Variants in ATP8B4 observed in about 807,000 individuals in gnomAD.
The protein encoded by ATP8B4 is ATPase phospholipid transporting 8B4 (putative).
A neutral mutation model predicts 145.6 loss-of-function variants in ATP8B4; 133 were observed. The ratio of observed to expected loss-of-function variants is 0.91; its 90% CI spans 0.79 to 1.05. The LOEUF is 1.05. Among genes scored for constraint, ATP8B4 ranks in the 50% least tolerant of loss-of-function variants. The pLI, the probability that ATP8B4 is intolerant of heterozygous loss-of-function variation, is 0.00. For synonymous variants in ATP8B4, 507 were observed against 492.9 expected (o/e 1.03, Z -0.38); for missense variants, 1,458 against 1,425.2 (o/e 1.02, Z -0.37).
chr15:50,067,479 A>T lies in ATP8B4; in HGVS notation c.87+6648T>A, dbSNP rs113271772. ...TGGTGGTACAAATAAACAAGGCAGG[A>T]ATCATTTCCCACTTCCTCTGGCAAA... On this transcript the variant is annotated intron_variant, in intron 3 of 27. Transcript: ENST00000284509. Among the ~76,000 whole-genome samples the T allele has an allele frequency of 5.9e-5, 9 of 152,274 alleles. 2 individuals carry two copies. The highest frequency in any genetic ancestry group is 2.2e-4 in the African/African-American group (9 of 41,566).
intron 1 of ATP8B4, among the ~76,000 whole-genome samples, chr15:50,111,490 A>G (rs2056939524): frequency 6.6e-6 from 1 of 152,234 alleles, no homozygotes; most frequent in Non-Finnish European, 1.5e-5. Flanking sequence ...CTATTGAATT[A>G]TGGTCCAAAG....
chr15:49,961,478 A>T (rs952827837), intron 14 of ATP8B4, among the ~76,000 whole-genome samples: 22 of 152,324 alleles, frequency 1.4e-4, no homozygotes, highest in African/African-American at 5.1e-4. Context: ...ATGTGAAATA[A>T]CATATGTACA....
chr15:49,961,002 G>A (rs541284364), intron 14 of ATP8B4, among the ~76,000 whole-genome samples: 20 of 152,136 alleles, frequency 1.3e-4, no homozygotes, highest in African/African-American at 2.7e-4. Context: ...GCATGGTGGC[G>A]GGCGCCTGTA....
At chr15:50,156,923 A>G (rs112992902) in intron 1 of ATP8B4, among the ~76,000 whole-genome samples, 1 of 152,206 alleles carries the variant, frequency 6.6e-6, no homozygotes, top group Non-Finnish European at 1.5e-5. Context: ...GCCATCTTGT[A>G]TCTACCATTT....
At chr15:50,024,472 G>GA (rs2049854413) in intron 6 of ATP8B4, among the ~76,000 whole-genome samples, 1 of 152,156 alleles carries the variant, frequency 6.6e-6, no homozygotes, top group Non-Finnish European at 1.5e-5. Flanking sequence ...CATTTGATTT[G>GA]AAAATGAAGC....
At position 50,151,117 on chromosome 15, in the gene ATP8B4, A is replaced by G. The variant is rs145830673; in HGVS notation, c.-43+31144T>C. ...AGTTTCAGCTTATAGGGCTTCAGGA[A>G]TGGAGCATTTTCAATTTTTAGCAAT... On this transcript the variant is annotated intron_variant, in intron 1 of 3. Transcript: ENST00000558829. 8.3e-4 allele frequency among the ~76,000 whole-genome samples: 127 copies of G among 152,356 alleles called. 2 individuals are homozygous for G. In the East Asian group the frequency reaches 0.02, roughly 24 times the overall value.
chr15:49,864,636 C>A (rs1051140362), intron 26 of ATP8B4, among the ~76,000 whole-genome samples: 11 of 152,124 alleles, frequency 7.2e-5, no homozygotes, highest in Non-Finnish European at 1.5e-4. Context: ...GAGGTATACT[C>A]TTTGTAGAAT....
chr15:50,009,547 T>C (rs2048568723), intron 7 of ATP8B4: 2 of 371,652 alleles, frequency 5.4e-6, no homozygotes. Flanking sequence ...ACTGAAAGAA[T>C]GAAGCAAAGT....
chr15:50,172,659 A>G (rs1409444559), intron 1 of ATP8B4, among the ~76,000 whole-genome samples: 1 of 148,874 alleles, frequency 6.7e-6, no homozygotes, highest in Non-Finnish European at 1.5e-5. Flanking sequence ...GGAAGTGAGG[A>G]GCTCCTCTTC....
chr15:50,027,320 C>T (rs915456894), intron 6 of ATP8B4, among the ~76,000 whole-genome samples: 6 of 151,958 alleles, frequency 3.9e-5, no homozygotes, highest in Admixed American at 6.6e-5. Context: ...TCCATGTGTC[C>T]GTAGCATCTA....
At chr15:50,064,019 C>A (rs1042871307) in intron 3 of ATP8B4, among the ~76,000 whole-genome samples, 1 of 152,074 alleles carries the variant, frequency 6.6e-6, no homozygotes, top group Non-Finnish European at 1.5e-5. Context: ...GAGGTCCCCT[C>A]TTCTAAAGGG....
chr15:49,994,258 T>C (rs548089572), intron 9 of ATP8B4, among the ~76,000 whole-genome samples: 1 of 152,250 alleles, frequency 6.6e-6, no homozygotes, highest in African/African-American at 2.4e-5. Flanking sequence ...GATCCAGCAC[T>C]CCTTCCTGGT....
chr15:50,113,605 G>T (rs567948235), intron 1 of ATP8B4, among the ~76,000 whole-genome samples: 4 of 152,022 alleles, frequency 2.6e-5, no homozygotes, highest in African/African-American at 9.7e-5. Context: ...TTGGGAGGCC[G>T]AGGTGGGTGG....
intron 23 of ATP8B4, among the ~76,000 whole-genome samples, chr15:49,889,340 T>C (rs1470555262): frequency 6.6e-6 from 1 of 152,196 alleles, no homozygotes; most frequent in Non-Finnish European, 1.5e-5. Flanking sequence ...GTAAAGATTC[T>C]AGGTTCAACA....
chr15:49,919,280 A>G lies in ATP8B4; in HGVS notation c.1924-330T>C, dbSNP rs147729060. Among the ~76,000 whole-genome samples the G allele has an allele frequency of 2.4e-4, 36 of 152,346 alleles. 1 individual carries two copies. The East Asian group carries it at 4.4e-3, about 19-fold the overall frequency. On this transcript the variant is annotated intron_variant, in intron 18 of 27. Transcript: ENST00000284509. Reference sequence around the variant, plus strand: ...CAGCTGCTTCCCCACTTATATCAACAGTGGAGGAGTCCAAAGAATAGCCTT... The same window carrying G: ...CAGCTGCTTCCCCACTTATATCAACGGTGGAGGAGTCCAAAGAATAGCCTT...
At chr15:50,072,884 TA>T (rs2053837597) in intron 3 of ATP8B4, among the ~76,000 whole-genome samples, 1 of 139,222 alleles carries the variant, frequency 7.2e-6, no homozygotes, top group Non-Finnish European at 1.5e-5. Flanking sequence ...CCTCCCAAAC[TA>T]GTGTTGGGAC....
In ATP8B4 at chr15:49,881,932, C is replaced by G. The variant is rs533175878; in HGVS notation, c.2698-2473G>C. ...TTAGAACTTAATAACTATCTCAAGG[C>G]CTAGGATAATGCGATCCTTCTCCAG... On this transcript the variant is annotated intron_variant, in intron 23 of 27. Transcript: ENST00000284509. Among the ~76,000 whole-genome samples the G allele has an allele frequency of 3.3e-5, 5 of 152,270 alleles. No individual in the cohort carries two copies. In the South Asian group the frequency reaches 1.0e-3, roughly 32 times the overall value.
rs2055207117 is a variant in ATP8B4 at position 50,087,094 on chromosome 15, T to A, written c.29-12909A>T. 9.3e-5 allele frequency among the ~76,000 whole-genome samples: 9 copies of A among 96,392 alleles called. 1 individual carries two copies. In the Admixed American group the frequency reaches 1.1e-3, roughly 12 times the overall value. The allele number at this position is 96,392 out of a possible 152,430, so 63.2% of individuals were successfully genotyped here. A position where few individuals can be genotyped will look rare whatever the true frequency, so the allele number is the denominator to read the frequency against. On this transcript the variant is annotated intron_variant, in intron 2 of 27. Coordinates refer to ENST00000284509, the MANE Select transcript of ATP8B4 (RefSeq NM_024837.4). ...ATAATATAGAGATCTATATTATATATAATAAATATAGATTATATTTATTAT... is the reference window on the plus strand; with the variant it reads ...ATAATATAGAGATCTATATTATATAAAATAAATATAGATTATATTTATTAT...
intron 9 of ATP8B4, among the ~76,000 whole-genome samples, chr15:49,994,856 T>C (rs570363686): frequency 6.6e-6 from 1 of 152,228 alleles, no homozygotes; most frequent in East Asian, 1.9e-4. Context: ...TAGCCTCCCT[T>C]GCAGTTAAGT....
Sources: gnomAD v4.1 joint callset for allele counts (sites outside exome capture counted in the v4.1 genomes callset) on GRCh38, gnomAD v4.1.1 for gene constraint, MANE v1.5 for transcripts, NCBI Gene and HGNC (gene_info 2026-07-23, HGNC 2026-07-21) for gene names.